The following ARID1B variants were observed in gnomAD, a reference collection of about 807,000 sequenced individuals.
ARID1B encodes the protein AT-rich interactive domain-containing protein 1B.
A neutral mutation model predicts 212.3 loss-of-function variants in ARID1B; 30 were observed. That is an observed-to-expected ratio of 0.14 (90% confidence interval 0.11 to 0.19). The LOEUF is 0.19. Among genes scored for constraint, ARID1B ranks in the 10% least tolerant of loss-of-function variants. The pLI, the probability that ARID1B is intolerant of heterozygous loss-of-function variation, is 1.00. For synonymous variants in ARID1B, 1,402 were observed against 1,301.7 expected (o/e 1.08, Z -1.66); for missense variants, 2,891 against 3,204.0 (o/e 0.90, Z 2.36).
chr6:156,994,876 C>T (rs1426052639), intron 4 of ARID1B, among the ~76,000 whole-genome samples: 1 of 152,238 alleles, frequency 6.6e-6, no homozygotes. Context: ...GTCACTAGCT[C>T]TCCCAGCCAT....
intron 15 of ARID1B, chr6:157,195,377 T>C: frequency 6.6e-6 from 1 of 152,340 alleles, no homozygotes. Flanking sequence ...CCACCTTCCC[T>C]AACACGTGAT....
intron 7 of ARID1B, among the ~76,000 whole-genome samples, chr6:157,146,139 C>G (rs944924028): frequency 7.2e-5 from 11 of 152,114 alleles, no homozygotes; most frequent in Non-Finnish European, 1.6e-4. Context: ...CTGCCCTTGC[C>G]ATTAAGCCGG....
chr6:157,048,845 T>C (rs1262055795), intron 4 of ARID1B, among the ~76,000 whole-genome samples: 1 of 152,216 alleles, frequency 6.6e-6, no homozygotes, highest in Non-Finnish European at 1.5e-5. Flanking sequence ...CAGCCCGCAG[T>C]GGCTCTGTGT....
At chr6:156,784,316 CA>C (rs1194028333) in intron 1 of ARID1B, among the ~76,000 whole-genome samples, 1 of 152,102 alleles carries the variant, frequency 6.6e-6, no homozygotes, top group Non-Finnish European at 1.5e-5. Context: ...AGGCACCAGG[CA>C]AAACTGTTCC....
At chr6:157,004,077 A>AT (rs202149373) in intron 4 of ARID1B, among the ~76,000 whole-genome samples, 58 of 151,774 alleles carry the variant, frequency 3.8e-4, no homozygotes, top group African/African-American at 1.2e-3. Context: ...ACCACCACAA[A>AT]TTTTTTTTGT....
In ARID1B at chr6:157,161,305, T is replaced by A. The variant is rs562503230; in HGVS notation, c.3090-5735T>A. 1.8e-4 allele frequency among the ~76,000 whole-genome samples: 28 copies of A among 152,244 alleles called. No individual in the cohort carries two copies. In the South Asian group the frequency reaches 2.7e-3, roughly 15 times the overall value. On this transcript the variant is annotated intron_variant, in intron 8 of 19. Coordinates refer to ENST00000636930, the MANE Select transcript of ARID1B (RefSeq NM_001374828.1). The stretch of plus-strand genomic sequence containing the variant: ...TTCCTAGCCAGAGCCACTGGCTTGT[T>A]GAAATTACATTATTTTGCCACCAGA...
chr6:157,199,026 T>C (rs1793931141), intron 17 of ARID1B, 119 bp downstream of exon 17: 1 of 859,394 alleles, frequency 1.2e-6, no homozygotes, highest in Admixed American at 2.8e-5. Flanking sequence ...TTAGTGTTTG[T>C]TGAGCATTCA....
At chr6:157,145,352 A>G (rs936334038) in intron 7 of ARID1B, among the ~76,000 whole-genome samples, 36 of 152,190 alleles carry the variant, frequency 2.4e-4, no homozygotes, top group African/African-American at 7.5e-4. Context: ...TTTGGGGGCT[A>G]CAGTGGCAGG....
intron 4 of ARID1B, among the ~76,000 whole-genome samples, chr6:156,952,234 A>C (rs1209572802): frequency 6.6e-6 from 1 of 152,192 alleles, no homozygotes; most frequent in Non-Finnish European, 1.5e-5. Context: ...CTTGGGTTTA[A>C]AGATGAGGGC....
chr6:156,781,283 T>C (rs1472439262), intron 1 of ARID1B, among the ~76,000 whole-genome samples: 3 of 130,808 alleles, frequency 2.3e-5, no homozygotes, highest in African/African-American at 5.6e-5. Flanking sequence ...CCCATAATCT[T>C]TTTTTTTTCT....
chr6:156,787,475 ATTGTT>A (rs1779724383), intron 1 of ARID1B, among the ~76,000 whole-genome samples: 1 of 152,204 alleles, frequency 6.6e-6, no homozygotes, highest in South Asian at 2.1e-4. Flanking sequence ...TATTGAAATG[ATTGTT>A]AATTCTAAAA....
intron 13 of ARID1B, chr6:157,184,676 T>C (rs1229433078): frequency 5.2e-6 from 3 of 578,784 alleles, no homozygotes; most frequent in African/African-American, 1.9e-5. Context: ...TTCTTTTGCT[T>C]TACCTTAATC....
intron 2 of ARID1B, among the ~76,000 whole-genome samples, chr6:156,859,140 G>T (rs1785150592): frequency 6.6e-6 from 1 of 152,140 alleles, no homozygotes; most frequent in South Asian, 2.1e-4. Flanking sequence ...TTGAGACAGA[G>T]TCTTGCCTGT....
chr6:156,888,231 A>C (rs1216651202), intron 2 of ARID1B, among the ~76,000 whole-genome samples: 2 of 152,208 alleles, frequency 1.3e-5, no homozygotes, highest in African/African-American at 4.8e-5. Context: ...TAAAAATAGA[A>C]ATCTCTGGCC....
At chr6:156,949,325 C>A (rs2128302067) in intron 4 of ARID1B, among the ~76,000 whole-genome samples, 1 of 152,244 alleles carries the variant, frequency 6.6e-6, no homozygotes, top group South Asian at 2.1e-4. Context: ...AAGAACATTT[C>A]ACACCTAATT....
At chr6:156,878,867 G>A (rs1335944227) in intron 2 of ARID1B, among the ~76,000 whole-genome samples, 1 of 152,224 alleles carries the variant, frequency 6.6e-6, no homozygotes, top group African/African-American at 2.4e-5. Flanking sequence ...ATCATCATGG[G>A]TTTGTTTGCA....
At chr6:156,804,827 T>C (rs1278118384) in intron 1 of ARID1B, among the ~76,000 whole-genome samples, 1 of 144,236 alleles carries the variant, frequency 6.9e-6, no homozygotes, top group African/African-American at 2.6e-5. Flanking sequence ...ATAGAAACCA[T>C]TGAAGAATTT....
chr6:156,950,284 T>C (rs531718736), intron 4 of ARID1B, among the ~76,000 whole-genome samples: 4 of 152,210 alleles, frequency 2.6e-5, no homozygotes, highest in Non-Finnish European at 5.9e-5. Context: ...TCAAAGAGTT[T>C]TCAGAGTTTT....
intron 2 of ARID1B, among the ~76,000 whole-genome samples, chr6:156,898,021 T>C (rs781436317): frequency 2.0e-5 from 3 of 152,114 alleles, no homozygotes; most frequent in Non-Finnish European, 2.9e-5. Flanking sequence ...GTTAAGTGTT[T>C]CACTACATAA....
Sources: allele counts gnomAD v4.1 joint callset (sites outside exome capture counted in the v4.1 genomes callset), GRCh38; gene constraint gnomAD v4.1.1; transcripts MANE v1.5; gene names NCBI Gene and HGNC (gene_info 2026-07-23, HGNC 2026-07-21).